Variants in KDM4C observed in about 807,000 individuals in gnomAD.
KDM4C encodes lysine-specific demethylase 4C.
KDM4C carries 81 observed loss-of-function variants against 129.3 expected under a neutral mutation model. The observed-to-expected ratio is 0.63, with a 90% CI of 0.52 to 0.75. The LOEUF (loss-of-function observed/expected upper bound fraction) is 0.75, where lower values mean the gene tolerates loss of function less well. Ranked by LOEUF, KDM4C falls within the 30% of genes least tolerant of loss-of-function variation. The probability of loss-of-function intolerance (pLI) is 0.00; values close to 1 mark genes in which losing one functional copy is unlikely to be tolerated. For synonymous variants in KDM4C, 573 were observed against 456.1 expected (o/e 1.26, Z -3.26); for missense variants, 1,457 against 1,304.0 (o/e 1.12, Z -1.81).
chr9:7,132,534 C>T (rs1840754636), intron 19 of KDM4C, among the ~76,000 whole-genome samples: 1 of 152,186 alleles, frequency 6.6e-6, no homozygotes, highest in Admixed American at 6.5e-5. Context: ...AGTTAAACTC[C>T]ACATGCAATC....
At chr9:6,839,695 T>C (rs1361398717) in intron 4 of KDM4C, among the ~76,000 whole-genome samples, 1 of 151,966 alleles carries the variant, frequency 6.6e-6, no homozygotes, top group Non-Finnish European at 1.5e-5. Context: ...TCACTTGAGG[T>C]CAGGAGACCA....
chr9:6,901,371 C>G (rs527620004), intron 8 of KDM4C, among the ~76,000 whole-genome samples: 1 of 152,282 alleles, frequency 6.6e-6, no homozygotes, highest in East Asian at 1.9e-4. Flanking sequence ...GGGCTCTTAC[C>G]TCACATAAGG....
intron 12 of KDM4C, among the ~76,000 whole-genome samples, chr9:6,998,741 C>T (rs3931591): frequency 6.6e-6 from 1 of 152,048 alleles, no homozygotes; most frequent in Non-Finnish European, 1.5e-5. Context: ...GGCTGCAGTG[C>T]GCTGAGATCA....
At chr9:6,902,393 C>A (rs1330768802) in intron 8 of KDM4C, among the ~76,000 whole-genome samples, 1 of 152,122 alleles carries the variant, frequency 6.6e-6, no homozygotes, top group Non-Finnish European at 1.5e-5. Flanking sequence ...AGTAAATGTC[C>A]TGATGGCTGT....
At chr9:6,778,289 C>T (rs1823531876) in intron 1 of KDM4C, among the ~76,000 whole-genome samples, 1 of 151,162 alleles carries the variant, frequency 6.6e-6, no homozygotes, top group African/African-American at 2.4e-5. Context: ...AGGGTTTCAC[C>T]ATGTTGGCCA....
At chr9:6,862,521 G>C (rs767711641) in intron 5 of KDM4C, among the ~76,000 whole-genome samples, 9 of 152,126 alleles carry the variant, frequency 5.9e-5, no homozygotes, top group Admixed American at 6.6e-5. Flanking sequence ...CTAAACTTCA[G>C]GCTGGGTGTG....
At chr9:6,996,519 C>T (rs1236407869) in intron 12 of KDM4C, among the ~76,000 whole-genome samples, 2 of 152,204 alleles carry the variant, frequency 1.3e-5, no homozygotes. Context: ...AGTCTGCTCA[C>T]TGCTTTTGTG....
At chr9:7,042,340 C>G (rs1036470525) in intron 15 of KDM4C, among the ~76,000 whole-genome samples, 1 of 151,988 alleles carries the variant, frequency 6.6e-6, no homozygotes, top group African/African-American at 2.4e-5. Context: ...AAATTTGATT[C>G]ATTTAGCCTG....
intron 19 of KDM4C, among the ~76,000 whole-genome samples, chr9:7,156,624 T>C (rs1385513251): frequency 6.6e-6 from 1 of 152,198 alleles, no homozygotes; most frequent in African/African-American, 2.4e-5. Context: ...TTTCCCCATT[T>C]CTTGTTTTTG....
At chr9:6,974,046 G>GAT (rs1715020346) in intron 8 of KDM4C, among the ~76,000 whole-genome samples, 1 of 152,140 alleles carries the variant, frequency 6.6e-6, no homozygotes, top group Admixed American at 6.5e-5. Context: ...TGGTGGGCAG[G>GAT]ATACTGAATC....
At chr9:7,029,473 T>C (rs1826366410) in intron 15 of KDM4C, among the ~76,000 whole-genome samples, 1 of 152,038 alleles carries the variant, frequency 6.6e-6, no homozygotes, top group South Asian at 2.1e-4. Flanking sequence ...ATCCAAGTCC[T>C]TAATCTTCTG....
intron 12 of KDM4C, among the ~76,000 whole-genome samples, chr9:6,995,871 CT>C (rs1405298448): frequency 6.8e-6 from 1 of 146,700 alleles, no homozygotes; most frequent in Admixed American, 6.8e-5. Context: ...TGGGGTTTCA[CT>C]GTGTTAGCCA....
intron 1 of KDM4C, among the ~76,000 whole-genome samples, chr9:6,766,239 C>T (rs750078284): frequency 1.3e-5 from 2 of 152,032 alleles, no homozygotes; most frequent in Non-Finnish European, 2.9e-5. Context: ...CATCTGTAAT[C>T]TGAGAATTTG....
intron 4 of KDM4C, among the ~76,000 whole-genome samples, chr9:6,843,997 C>T (rs1225477213): frequency 6.6e-6 from 1 of 152,064 alleles, no homozygotes; most frequent in Non-Finnish European, 1.5e-5. Flanking sequence ...CCATACCCGG[C>T]TATTTTTTAA....
At position 7,174,546 on chromosome 9, in the gene KDM4C, C is replaced by G; in HGVS notation, c.2995-7C>G. On this transcript the variant is annotated splice_polypyrimidine_tract_variant and splice_region_variant and intron_variant, in intron 21 of 21. Coordinates refer to ENST00000381309, the MANE Select transcript of KDM4C (RefSeq NM_015061.6). ...CCCTTTTGCAATATAACACCAGCTG[C>G]TTTTAGTCCACAGCCTCTGACATGC... 3.7e-6 allele frequency: 6 copies of G among 1,613,742 alleles called. No individual in the cohort carries two copies. The highest frequency in any genetic ancestry group is 5.1e-6 in the Non-Finnish European group (6 of 1,179,672).
chr9:7,062,577 T>A (rs1433951785), intron 17 of KDM4C, among the ~76,000 whole-genome samples: 1 of 151,256 alleles, frequency 6.6e-6, no homozygotes, highest in Non-Finnish European at 1.5e-5. Flanking sequence ...CAGGGTGGGG[T>A]CTTTCCTTCT....
At chr9:6,905,005 A>G (rs995040067) in intron 8 of KDM4C, among the ~76,000 whole-genome samples, 24 of 152,264 alleles carry the variant, frequency 1.6e-4, no homozygotes, top group African/African-American at 5.5e-4. Flanking sequence ...GCTAACTGCA[A>G]TAACCATAAA....
intron 7 of KDM4C, among the ~76,000 whole-genome samples, chr9:6,891,353 G>A (rs1180529506): frequency 6.6e-6 from 1 of 152,210 alleles, no homozygotes; most frequent in African/African-American, 2.4e-5. Context: ...ACTGGCACAT[G>A]CTACAACCTG....
chr9:7,017,812 G>T (rs1489755354), intron 15 of KDM4C, among the ~76,000 whole-genome samples: 1 of 152,094 alleles, frequency 6.6e-6, no homozygotes, highest in African/African-American at 2.4e-5. Flanking sequence ...ACAATATAAA[G>T]AATACGCCTT....
Sources: allele counts gnomAD v4.1 joint callset (sites outside exome capture counted in the v4.1 genomes callset), GRCh38; gene constraint gnomAD v4.1.1; transcripts MANE v1.5; gene names NCBI Gene and HGNC (gene_info 2026-07-23, HGNC 2026-07-21).